CACHD1: variants seen among roughly 807,000 people sequenced by gnomAD.
The protein encoded by CACHD1 is cache domain containing 1.
In CACHD1, 71 loss-of-function variants were observed where a neutral mutation model predicts 138.7. The observed-to-expected ratio is 0.51, with a 90% CI of 0.42 to 0.62. CACHD1 has a LOEUF of 0.62. Ranked by LOEUF, CACHD1 falls within the 20% of genes least tolerant of loss-of-function variation. CACHD1 has a pLI of 0.00. For synonymous variants in CACHD1, 578 were observed against 591.5 expected, an observed-to-expected ratio of 0.98 and a Z score of 0.33; for missense variants, 1,389 against 1,625.3, an observed-to-expected ratio of 0.85 and a Z score of 2.50.
At chr1:64,632,960 T>G (rs996895194) in intron 6 of CACHD1, among the ~76,000 whole-genome samples, 2 of 152,176 alleles carry the variant, frequency 1.3e-5, no homozygotes, top group Non-Finnish European at 2.9e-5. Context: ...AGGTTAGCCC[T>G]CAGTTATGGA....
intron 1 of CACHD1, among the ~76,000 whole-genome samples, chr1:64,499,225 C>T (rs974724807): frequency 1.3e-5 from 2 of 152,160 alleles, no homozygotes; most frequent in African/African-American, 4.8e-5. Context: ...GAGGACTTGA[C>T]CAGCCCCTTA....
At position 64,682,052 on chromosome 1, in the gene CACHD1, A is replaced by C. The variant is rs761395805; in HGVS notation, c.3532A>C (p.Ser1178Arg). The C allele has an allele frequency of 6.2e-7, 1 of 1,614,148 alleles. No homozygotes were observed. The highest frequency in any genetic ancestry group is 1.1e-5 in the South Asian group (1 of 91,082). ...TGCGGTCATCGAACGACATGCACAC[A>C]GTCCAGAAAGAAGGCGCCGCTACTG... ...IAAVIERHAH[S>R]PERRRRYWGR... The change falls in exon 26 of 27, where the codon AGT becomes CGT. Residue 1178 changes from serine to arginine, a missense_variant. Coordinates refer to ENST00000651257, the MANE Select transcript of CACHD1 (RefSeq NM_020925.4).
Position 64,676,934 on chromosome 1 carries a change from C to T in CACHD1, c.3015C>T (p.Tyr1005=), listed in dbSNP as rs935504140. 9 of 1,613,860 alleles carry T rather than the reference C, an allele frequency of 5.6e-6. No individual in the cohort carries two copies. In the African/African-American group the frequency reaches 1.1e-4, roughly 19 times the overall value. The change falls in exon 22 of 27, where the codon TAC becomes TAT. Residue 1005 remains tyrosine (Y), a synonymous_variant. Transcript: ENST00000651257. ...SCEVHQEPVT[Y]TAIDPGLQDA... ...AGGTCCACCAGGAGCCGGTGACATA[C>T]ACAGCTATTGACCCTGGCCTGCAAG...
At chr1:64,585,222 T>G (rs761224796) in intron 3 of CACHD1, among the ~76,000 whole-genome samples, 2 of 152,130 alleles carry the variant, frequency 1.3e-5, no homozygotes, top group Non-Finnish European at 2.9e-5. Flanking sequence ...ACATTACACT[T>G]GATATTAGCC....
chr1:64,644,498 A>G (rs1418999111), intron 8 of CACHD1, among the ~76,000 whole-genome samples: 1 of 152,186 alleles, frequency 6.6e-6, no homozygotes, highest in Non-Finnish European at 1.5e-5. Context: ...ATACTTCTTT[A>G]CTTCCTTGCT....
At chr1:64,602,237 T>G (rs1287396671) in intron 3 of CACHD1, among the ~76,000 whole-genome samples, 1 of 152,218 alleles carries the variant, frequency 6.6e-6, no homozygotes, top group Non-Finnish European at 1.5e-5. Flanking sequence ...TTTTTAATTT[T>G]TTTTATGGCT....
At chr1:64,645,890 C>T (rs1307699174) in intron 8 of CACHD1, among the ~76,000 whole-genome samples, 2 of 152,276 alleles carry the variant, frequency 1.3e-5, no homozygotes, top group East Asian at 1.9e-4. Context: ...TCTCGCAGTA[C>T]AGCCCTCACT....
At chr1:64,475,591 G>C (rs1017155477) in intron 1 of CACHD1, among the ~76,000 whole-genome samples, 2 of 152,092 alleles carry the variant, frequency 1.3e-5, no homozygotes, top group Non-Finnish European at 2.9e-5. Flanking sequence ...CAGTCACCCA[G>C]GCTGGAGTGC....
chr1:64,600,885 T>C (rs1051271969), intron 3 of CACHD1, among the ~76,000 whole-genome samples: 1 of 152,168 alleles, frequency 6.6e-6, no homozygotes, highest in East Asian at 1.9e-4. Flanking sequence ...ATTTCCAATA[T>C]GGTAGCCACT....
intron 4 of CACHD1, among the ~76,000 whole-genome samples, chr1:64,621,589 C>T (rs961693787): frequency 7.9e-5 from 12 of 152,076 alleles, no homozygotes; most frequent in Non-Finnish European, 5.9e-5. Context: ...GGATAAGAAT[C>T]GAGAGTGGTC....
At chr1:64,483,800 C>T (rs1646225191) in intron 1 of CACHD1, among the ~76,000 whole-genome samples, 1 of 151,596 alleles carries the variant, frequency 6.6e-6, no homozygotes, top group Admixed American at 6.6e-5. Flanking sequence ...TCCTGAATTA[C>T]TGGTGGCCTT....
At chr1:64,542,298 A>G (rs886564313) in intron 1 of CACHD1, among the ~76,000 whole-genome samples, 2 of 152,166 alleles carry the variant, frequency 1.3e-5, no homozygotes, top group Admixed American at 6.5e-5. Flanking sequence ...AAGGTCGTCT[A>G]TTGTGTCACT....
Position 64,634,105 on chromosome 1 carries a change from C to T in CACHD1, c.851C>T (p.Thr284Ile). 1 of 1,612,924 alleles carries T rather than the reference C, an allele frequency of 6.2e-7. No homozygotes were observed. Among genetic ancestry groups the T allele is most frequent in the Non-Finnish European group, 8.5e-7 (1 of 1,179,746 alleles). ...TGCTCACTAGACCAGTGCTATAAGA[C>T]CTTCTTGTCTCCAGCCACCAGTGAG... ...RTCSLDQCYK[T>I]FLSPATSETK... Residue 284 changes from threonine (T) to isoleucine (I), a missense_variant, in exon 7 of 27, where the codon ACC becomes ATC. Thr to Ile is a moderately conservative substitution (Grantham distance 89). Around this residue, in one of 5 missense-constraint regions of CACHD1, gnomAD observed 1,000 missense variants for 1,114.7 expected, o/e 0.90. Coordinates refer to ENST00000651257, the MANE Select transcript of CACHD1 (RefSeq NM_020925.4).
At chr1:64,639,344 A>G (rs535129758) in intron 7 of CACHD1, among the ~76,000 whole-genome samples, 119 of 152,366 alleles carry the variant, frequency 7.8e-4, no homozygotes, top group Non-Finnish European at 1.4e-3. Context: ...AAAATAATTT[A>G]CTGAACTGTA....
chr1:64,659,562 T>C lies in CACHD1; in HGVS notation c.1951+689T>C, dbSNP rs564944554. Among the ~76,000 whole-genome samples the C allele has an allele frequency of 6.6e-5, 10 of 152,356 alleles. No individual in the cohort carries two copies. In the South Asian group the frequency reaches 2.1e-3, roughly 32 times the overall value. On this transcript the variant is annotated intron_variant, in intron 13 of 26. Coordinates refer to ENST00000651257, the MANE Select transcript of CACHD1 (RefSeq NM_020925.4). ...TACCAGATGTTTTTTATTTTTCACC[T>C]GAGTTGACATGTGATTGATTTGGGT...
intron 1 of CACHD1, among the ~76,000 whole-genome samples, chr1:64,492,381 C>T (rs1570301804): frequency 6.8e-6 from 1 of 147,198 alleles, no homozygotes; most frequent in African/African-American, 2.4e-5. Context: ...AGTTGGGTCC[C>T]CCTATTGTTT....
At chr1:64,566,487 C>T (rs1446567511) in intron 2 of CACHD1, among the ~76,000 whole-genome samples, 2 of 144,058 alleles carry the variant, frequency 1.4e-5, no homozygotes, top group Admixed American at 6.9e-5. Context: ...ATTCCCCCCC[C>T]CCCACAAGGT....
chr1:64,513,650 G>T (rs1177936076), intron 1 of CACHD1, among the ~76,000 whole-genome samples: 1 of 152,202 alleles, frequency 6.6e-6, no homozygotes, highest in Non-Finnish European at 1.5e-5. Flanking sequence ...GGACTCAAAG[G>T]AAAGAGTGCT....
chr1:64,513,167 C>T (rs542047390), intron 1 of CACHD1, among the ~76,000 whole-genome samples: 1 of 152,240 alleles, frequency 6.6e-6, no homozygotes, highest in South Asian at 2.1e-4. Context: ...CAGGTTTTCC[C>T]AACCTTAACA....
Sources: allele counts gnomAD v4.1 joint callset (sites outside exome capture counted in the v4.1 genomes callset), GRCh38; gene constraint gnomAD v4.1.1; regional missense constraint gnomAD v4.1.1; transcripts MANE v1.5; gene names NCBI Gene and HGNC (gene_info 2026-07-23, HGNC 2026-07-21).